Variants in DRAXIN observed in about 807,000 individuals in gnomAD.
The protein encoded by DRAXIN is dorsal repulsive axon guidance protein.
Under a neutral mutation model 33.9 loss-of-function variants are expected in DRAXIN, and 27 were observed. That is an observed-to-expected ratio of 0.80 (90% CI 0.59 to 1.10). DRAXIN has a LOEUF of 1.10. Ranked by LOEUF, DRAXIN falls within the 50% of genes least tolerant of loss-of-function variation. The pLI is 0.00. For synonymous variants in DRAXIN, 178 were observed against 194.0 expected (o/e 0.92, Z 0.69); for missense variants, 371 against 460.8 (o/e 0.81, Z 1.78).
At chr1:11,708,000 C>A (rs532504886) in intron 2 of DRAXIN, among the ~76,000 whole-genome samples, 1 of 152,364 alleles carries the variant, frequency 6.6e-6, no homozygotes, top group East Asian at 1.9e-4. Flanking sequence ...CACCCCTTCT[C>A]GTGCAAACAG....
rs1303362377 is a variant in DRAXIN at position 11,706,485 on chromosome 1, A to C, written c.227A>C (p.Gln76Pro). The change falls in exon 2 of 7, where the codon CAG becomes CCG. Residue 76 changes from glutamine (Q) to proline (P), a missense_variant. Transcript: ENST00000294485. The surrounding 1 kb of genome is among the most constrained non-coding windows in gnomAD (Gnocchi z 5.5). ...GGCCCAGGCCTGCCCAGCCAGGCCC[A>C]GGATGGGGCTGTGGTCACCGCCACC... ...EWGPGLPSQA[Q>P]DGAVVTATRQ... 1.2e-6 allele frequency: 2 copies of C among 1,611,148 alleles called. No homozygotes were observed. Among genetic ancestry groups the C allele is most frequent in the Non-Finnish European group, 1.7e-6 (2 of 1,178,998 alleles).
chr1:11,701,710 G>T (rs771320111), intron 1 of DRAXIN, among the ~76,000 whole-genome samples: 2 of 152,114 alleles, frequency 1.3e-5, no homozygotes, highest in African/African-American at 2.4e-5. Flanking sequence ...TGAGCAACCC[G>T]GGCCGGGCAG....
At chr1:11,690,934 G>T (rs1296337465), upstream of DRAXIN, among the ~76,000 whole-genome samples, 2 of 110,600 alleles carry the variant, frequency 1.8e-5, no homozygotes, top group Admixed American at 2.0e-4. This position sits in a 1 kb window ranked among gnomAD's most constrained non-coding sequence, Gnocchi z 4.2. Context: ...GTGTGAGTGT[G>T]TGTGTGTGTG....
chr1:11,695,766 G>T (rs1355040396), intron 1 of DRAXIN, among the ~76,000 whole-genome samples: 1 of 152,110 alleles, frequency 6.6e-6, no homozygotes, highest in Non-Finnish European at 1.5e-5. Flanking sequence ...TGGAGGCTGA[G>T]GGTTGCTTCC....
chr1:11,712,427 C>A lies in DRAXIN; in HGVS notation c.845C>A (p.Pro282Gln). The change falls in exon 5 of 7, where the codon CCA (proline) becomes CAA (glutamine). Residue 282 changes from proline to glutamine, a missense_variant and splice_region_variant. Physicochemically the swap from Pro to Gln is moderately conservative, Grantham distance 76 (BLOSUM62 -1). Transcript: ENST00000294485. ...EPCDHHQDCLPGTCCDLREHL... is the reference protein window; with the variant it reads ...EPCDHHQDCLQGTCCDLREHL... ...TGCGACCATCACCAAGACTGCCTGC[C>A]AGGTACCAGCCAGCACCCACATTCA... The A allele has an allele frequency of 6.2e-6, 10 of 1,614,050 alleles. No homozygotes were observed. Among genetic ancestry groups the A allele is most frequent in the Non-Finnish European group, 7.6e-6 (9 of 1,179,980 alleles).
intron 4 of DRAXIN, 144 bp from the exon 5 acceptor site, chr1:11,712,196 G>A: frequency 1.0e-6 from 1 of 1,002,282 alleles, no homozygotes; most frequent in Non-Finnish European, 1.5e-6. Flanking sequence ...GTTACCCTGA[G>A]GGAAAATACC....
intron 1 of DRAXIN, among the ~76,000 whole-genome samples, chr1:11,699,819 C>T (rs1973907): frequency 2.2e-3 from 327 of 151,984 alleles, no homozygotes; most frequent in African/African-American, 7.2e-3. Flanking sequence ...CCCAGCTACT[C>T]GGGAGGCTAA....
chr1:11,720,866 G>T lies in DRAXIN; in HGVS notation c.*1170G>T, dbSNP rs1035689428. The T allele has an allele frequency of 1.3e-5, 2 of 152,220 alleles. No homozygotes were observed. Among genetic ancestry groups the T allele is most frequent in the African/African-American group, 4.8e-5 (2 of 41,458 alleles). 9.4% of individuals were successfully genotyped at this position (152,220 alleles called of 1,614,324 possible). ...CCTTCCTCTGTGGCTGGAATAACTT[G>T]ACTGTTCTCTGCCTTCCCTGGATAA... On this transcript the variant is annotated 3_prime_UTR_variant, in exon 7 of 7. Coordinates refer to ENST00000294485, the MANE Select transcript of DRAXIN (RefSeq NM_198545.4).
intron 6 of DRAXIN, among the ~76,000 whole-genome samples, chr1:11,717,710 C>T (rs1001650999): frequency 1.6e-5 from 2 of 128,426 alleles, no homozygotes; most frequent in African/African-American, 3.0e-5. Context: ...GGAGGCCAGG[C>T]GGGGTGGTTC....
At position 11,706,145 on chromosome 1, in the gene DRAXIN, T is replaced by C. The variant is rs1641375127; in HGVS notation, c.-10-104T>C. On this transcript the variant is annotated intron_variant, in intron 1 of 6. Transcript: ENST00000294485. The surrounding 1 kb of genome is among the most constrained non-coding windows in gnomAD (Gnocchi z 5.5). Reference sequence around the variant, plus strand: ...TTGCCAAATGTCACTGGGAGCAAAATGTCCCTCTATGGCTGTTGAGAAAAA... The same window carrying C: ...TTGCCAAATGTCACTGGGAGCAAAACGTCCCTCTATGGCTGTTGAGAAAAA... The C allele has an allele frequency of 1.7e-5, 19 of 1,122,432 alleles. No homozygotes were observed. In the East Asian group the frequency reaches 5.0e-4, roughly 30 times the overall value. 69.5% of individuals were successfully genotyped at this position (1,122,432 alleles called of 1,614,324 possible).
intron 1 of DRAXIN, among the ~76,000 whole-genome samples, chr1:11,701,053 C>T (rs1200436826): frequency 6.6e-6 from 1 of 152,198 alleles, no homozygotes; most frequent in Non-Finnish European, 1.5e-5. Flanking sequence ...TACGGCGATG[C>T]TGACAGCTCT....
In DRAXIN at chr1:11,706,725, C is replaced by T. The variant is rs752412714; in HGVS notation, c.451+16C>T. 10 of 1,536,746 alleles carry T rather than the reference C, an allele frequency of 6.5e-6. No individual in the cohort carries two copies. Among genetic ancestry groups the T allele is most frequent in the East Asian group, 4.7e-5 (2 of 42,604 alleles). ...CTGCACCAAGGTAGCTGGAGGGCTG[C>T]GAGGGGTGGGGATGGGGGTGATTCC... On this transcript the variant is annotated intron_variant, in intron 2 of 6. Transcript: ENST00000294485. This position sits in a 1 kb window ranked among gnomAD's most constrained non-coding sequence, Gnocchi z 5.5.
Position 11,715,132 on chromosome 1 carries a change from C to T in DRAXIN, c.861C>T (p.Asp287=). 1 of 1,614,262 alleles carries T rather than the reference C, an allele frequency of 6.2e-7. No individual in the cohort carries two copies. The highest frequency in any genetic ancestry group is 8.5e-7 in the Non-Finnish European group (1 of 1,180,052). Reference sequence around the variant, plus strand: ...CTGTGTTGGCAGGGACTTGCTGCGACCTGCGGGAGCATCTCTGCACACCCC... The same window carrying T: ...CTGTGTTGGCAGGGACTTGCTGCGATCTGCGGGAGCATCTCTGCACACCCC... ...HQDCLPGTCC[D]LREHLCTPHN... Residue 287 remains aspartate (D), a synonymous_variant, in exon 6 of 7, where the codon GAC becomes GAT. Coordinates refer to ENST00000294485, the MANE Select transcript of DRAXIN (RefSeq NM_198545.4).
At position 11,692,191 on chromosome 1, in the gene DRAXIN, C is replaced by G. The variant is rs1203656646; in HGVS notation, c.-11+338C>G. On this transcript the variant is annotated intron_variant, in intron 1 of 6. Transcript: ENST00000294485. The surrounding 1 kb of genome is among the most constrained non-coding windows in gnomAD (Gnocchi z 5.8). ...TGGGGTCCCGGCTCGCACCTACTCTCCTCGGCACTAGCCTTCTCTCTCCCT... is the reference window on the plus strand; with the variant it reads ...TGGGGTCCCGGCTCGCACCTACTCTGCTCGGCACTAGCCTTCTCTCTCCCT... Among the ~76,000 whole-genome samples, 1 of 152,212 alleles carries G rather than the reference C, an allele frequency of 6.6e-6. No individual in the cohort carries two copies. Among genetic ancestry groups the G allele is most frequent in the African/African-American group, 2.4e-5 (1 of 41,462 alleles).
Position 11,692,003 on chromosome 1 carries a change from C to G in DRAXIN, c.-11+150C>G, listed in dbSNP as rs1381529457. On this transcript the variant is annotated intron_variant, in intron 1 of 6. Coordinates refer to ENST00000294485, the MANE Select transcript of DRAXIN (RefSeq NM_198545.4). This position sits in a 1 kb window ranked among gnomAD's most constrained non-coding sequence, Gnocchi z 5.8. ...TGAGGATGCTGCCTCCTTCCCAGCC[C>G]TCGGACCCGTCTATCCGCCAGTCCT... 1 of 152,190 alleles carries G rather than the reference C, an allele frequency of 6.6e-6. No homozygotes were observed. The highest frequency in any genetic ancestry group is 2.4e-5 in the African/African-American group (1 of 41,372). The allele number at this position is 152,190 out of a possible 1,614,324, so 9.4% of individuals were successfully genotyped here. A position where few individuals can be genotyped will look rare whatever the true frequency, so the allele number is the denominator to read the frequency against.
intron 6 of DRAXIN, among the ~76,000 whole-genome samples, chr1:11,718,439 T>C (rs1204570067): frequency 6.6e-6 from 1 of 152,140 alleles, no homozygotes; most frequent in African/African-American, 2.4e-5. Flanking sequence ...ATTATAGACT[T>C]TTTAATTGAA....
At chr1:11,701,826 T>G (rs963213748) in intron 1 of DRAXIN, among the ~76,000 whole-genome samples, 5 of 152,284 alleles carry the variant, frequency 3.3e-5, no homozygotes, top group African/African-American at 1.2e-4. Context: ...GTGACAGAAA[T>G]GGATTGGAGC....
At chr1:11,718,063 G>C (rs1641606974) in intron 6 of DRAXIN, among the ~76,000 whole-genome samples, 1 of 149,506 alleles carries the variant, frequency 6.7e-6, no homozygotes, top group Non-Finnish European at 1.5e-5. Flanking sequence ...CATCACTTTG[G>C]GAGGCGGAGG....
At position 11,692,286 on chromosome 1, in the gene DRAXIN, G is replaced by A. The variant is rs146842606; in HGVS notation, c.-11+433G>A. ...TCTCTCAGGCAGGGGGCCCCAGTCC[G>A]CCACCGTTGGAAGAAGTCTTCGAAG... is the stretch of plus-strand genomic sequence containing the variant. On this transcript the variant is annotated intron_variant, in intron 1 of 6. Transcript: ENST00000294485. This position sits in a 1 kb window ranked among gnomAD's most constrained non-coding sequence, Gnocchi z 5.8. Among the ~76,000 whole-genome samples the A allele has an allele frequency of 4.7e-4, 71 of 152,262 alleles. No individual in the cohort carries two copies. The East Asian group carries it at 0.014, about 29-fold the overall frequency.
Sources: allele counts gnomAD v4.1 joint callset (sites outside exome capture counted in the v4.1 genomes callset), GRCh38; gene constraint gnomAD v4.1.1; non-coding constraint Gnocchi (gnomAD v3.1); transcripts MANE v1.5; gene names NCBI Gene and HGNC (gene_info 2026-07-23, HGNC 2026-07-21).